ABCG1: variants seen among roughly 807,000 people sequenced by gnomAD.
ABCG1 encodes the protein ATP-binding cassette sub-family G member 1.
In ABCG1, 29 loss-of-function variants were observed where a neutral mutation model predicts 69.2. The ratio of observed to expected loss-of-function variants is 0.42; its 90% CI spans 0.31 to 0.57. ABCG1 has a LOEUF of 0.57. Ranked by LOEUF, ABCG1 falls within the 20% of genes least tolerant of loss-of-function variation. The pLI, the probability that ABCG1 is intolerant of heterozygous loss-of-function variation, is 0.15. For synonymous variants in ABCG1, 370 were observed against 374.8 expected, an observed-to-expected ratio of 0.99 and a Z score of 0.15; for missense variants, 718 against 898.1, an observed-to-expected ratio of 0.80 and a Z score of 2.56.
At chr21:42,292,455 C>A (rs370708081) in intron 13 of ABCG1, among the ~76,000 whole-genome samples, 1 of 152,060 alleles carries the variant, frequency 6.6e-6, no homozygotes, top group Admixed American at 6.5e-5. Flanking sequence ...AGGCCAGCCC[C>A]AGTGCACCTG....
intron 5 of ABCG1, among the ~76,000 whole-genome samples, chr21:42,278,391 T>C (rs995855605): frequency 2.6e-5 from 4 of 152,180 alleles, no homozygotes; most frequent in Non-Finnish European, 4.4e-5. Context: ...AGATGATATG[T>C]TAAAGCCTAC....
intron 5 of ABCG1, among the ~76,000 whole-genome samples, chr21:42,280,866 A>G (rs4148133): frequency 0.24 from 36,096 of 152,198 alleles, 4,615 homozygotes; most frequent in African/African-American, 0.32. Flanking sequence ...AGTCGATGCC[A>G]GCTGGGAAGA....
chr21:42,202,534 C>A (rs991235798), intron 2 of ABCG1, among the ~76,000 whole-genome samples: 1 of 151,910 alleles, frequency 6.6e-6, no homozygotes, highest in Admixed American at 6.6e-5. Flanking sequence ...TCCCTCCCCC[C>A]ATCCCTCTCT....
intron 5 of ABCG1, among the ~76,000 whole-genome samples, chr21:42,280,170 C>T (rs1308865913): frequency 6.6e-6 from 1 of 152,230 alleles, no homozygotes; most frequent in Non-Finnish European, 1.5e-5. Context: ...GTGCATGCCT[C>T]GCCATCGGGC....
Position 42,228,628 on chromosome 21 carries a change from G to A in ABCG1, c.286+2714G>A, listed in dbSNP as rs8132611. Among the ~76,000 whole-genome samples the A allele has an allele frequency of 3.1e-3, 474 of 152,322 alleles. 3 individuals carry two copies. Among genetic ancestry groups the A allele is most frequent in the African/African-American group, 0.01 (434 of 41,572 alleles). ...AGCAATTTCTAGCTCTGTGCACTCC[G>A]ACACAGTGGCCATGCCTTGTCTAGC... On this transcript the variant is annotated intron_variant, in intron 2 of 14. Coordinates refer to ENST00000398449, the MANE Select transcript of ABCG1 (RefSeq NM_016818.3).
chr21:42,268,601 T>TA lies in ABCG1; in HGVS notation c.287-2461dup, dbSNP rs889041568. Among the ~76,000 whole-genome samples the TA allele has an allele frequency of 1.4e-4, 22 of 152,024 alleles. No homozygotes were observed. In the South Asian group the frequency reaches 1.5e-3, roughly 10 times the overall value. On this transcript the variant is annotated intron_variant, in intron 2 of 14. Coordinates refer to ENST00000398449, the MANE Select transcript of ABCG1 (RefSeq NM_016818.3). Reference sequence around the variant, plus strand: ...TCAATTCCAAATGCATGTCTTTTTTTAAAAAAAAGAAAGAAAGAAAAATAA... The same window carrying TA: ...TCAATTCCAAATGCATGTCTTTTTTTAAAAAAAAAGAAAGAAAGAAAAATAA...
At position 42,291,356 on chromosome 21, in the gene ABCG1, G is replaced by T; in HGVS notation, c.1495-142G>T. On this transcript the variant is annotated intron_variant, in intron 12 of 14. Coordinates refer to ENST00000398449, the MANE Select transcript of ABCG1 (RefSeq NM_016818.3). This position sits in a 1 kb window ranked among gnomAD's most constrained non-coding sequence, Gnocchi z 6.4. Reference sequence around the variant, plus strand: ...GGCCTGACTTCGGGAGCTGTGGCGGGAGCTGTGGGGAGTGGGGAAGGACCC... The same window carrying T: ...GGCCTGACTTCGGGAGCTGTGGCGGTAGCTGTGGGGAGTGGGGAAGGACCC... 1.6e-6 allele frequency: 2 copies of T among 1,240,458 alleles called. No individual in the cohort carries two copies. The highest frequency in any genetic ancestry group is 2.3e-6 in the Non-Finnish European group (2 of 886,042). 76.8% of individuals were successfully genotyped at this position (1,240,458 alleles called of 1,614,324 possible).
At chr21:42,286,848 G>C (rs550065680) in intron 8 of ABCG1, among the ~76,000 whole-genome samples, 3 of 152,344 alleles carry the variant, frequency 2.0e-5, no homozygotes, top group Non-Finnish European at 4.4e-5. Context: ...ACCAGAGAGC[G>C]GGAGGTGAGG....
chr21:42,294,840 A>C, intron 14 of ABCG1, 180 bp downstream of exon 14: 1 of 594,806 alleles, frequency 1.7e-6, no homozygotes, highest in South Asian at 1.8e-5. Flanking sequence ...CCTCACCAAC[A>C]CACACACACT....
intron 13 of ABCG1, among the ~76,000 whole-genome samples, chr21:42,293,896 CCACACACCACACACCGCAGACACCA>C (rs2069148067): frequency 6.6e-6 from 1 of 150,976 alleles, no homozygotes; most frequent in Non-Finnish European, 1.5e-5. Flanking sequence ...ACACTCCACA[CCACACACCACACACCGCAGACACCA>C]CACACACCAC....
chr21:42,256,350 T>C, intron 2 of ABCG1: 2 of 1,549,968 alleles, frequency 1.3e-6, no homozygotes, highest in South Asian at 1.2e-5. Flanking sequence ...CTCCGGGACA[T>C]GGTCAGGAGA....
intron 2 of ABCG1, among the ~76,000 whole-genome samples, chr21:42,238,066 C>G (rs996819183): frequency 6.6e-6 from 1 of 152,208 alleles, no homozygotes; most frequent in Non-Finnish European, 1.5e-5. Context: ...TTTAATGTTA[C>G]AGGTCAAATT....
intron 4 of ABCG1, among the ~76,000 whole-genome samples, chr21:42,274,083 G>C (rs545886500): frequency 6.6e-6 from 1 of 152,210 alleles, no homozygotes; most frequent in African/African-American, 2.4e-5. Context: ...CTCCAAAGGC[G>C]CACCTTTAAC....
intron 2 of ABCG1, among the ~76,000 whole-genome samples, chr21:42,210,458 T>C (rs2067577755): frequency 6.6e-6 from 1 of 152,228 alleles, no homozygotes; most frequent in Non-Finnish European, 1.5e-5. Context: ...CTGAGACTTC[T>C]GTCTTAATCT....
intron 2 of ABCG1, among the ~76,000 whole-genome samples, chr21:42,230,534 A>G (rs1473527274): frequency 6.6e-6 from 1 of 152,206 alleles, no homozygotes; most frequent in Non-Finnish European, 1.5e-5. Context: ...TTTTCTTCCT[A>G]CAGAGTAGAC....
At chr21:42,216,189 G>A (rs1465795274), upstream of ABCG1, 3 of 449,236 alleles carry the variant, frequency 6.7e-6, no homozygotes, top group Non-Finnish European at 1.3e-5. Context: ...ACATGGAACT[G>A]TGAGTCCGTT....
At chr21:42,263,427 G>C (rs796968776) in intron 2 of ABCG1, among the ~76,000 whole-genome samples, 1 of 152,218 alleles carries the variant, frequency 6.6e-6, no homozygotes, top group Non-Finnish European at 1.5e-5. Flanking sequence ...GGAAGGGGAC[G>C]TGAGGGAGCT....
intron 2 of ABCG1, among the ~76,000 whole-genome samples, chr21:42,203,473 A>C (rs1022234688): frequency 3.9e-5 from 6 of 152,106 alleles, no homozygotes; most frequent in Non-Finnish European, 7.4e-5. Flanking sequence ...ATTTAAGTCC[A>C]GTTTCTTTTT....
upstream of ABCG1, among the ~76,000 whole-genome samples, chr21:42,213,270 C>T (rs1431076314): frequency 6.6e-6 from 1 of 152,242 alleles, no homozygotes. Context: ...CACAGAGGTG[C>T]CTGGAGTGCC....
Sources: gnomAD v4.1 joint callset for allele counts (sites outside exome capture counted in the v4.1 genomes callset) on GRCh38, gnomAD v4.1.1 for gene constraint, Gnocchi (gnomAD v3.1) non-coding constraint, MANE v1.5 for transcripts, NCBI Gene and HGNC (gene_info 2026-07-23, HGNC 2026-07-21) for gene names.